PTPN2: variants seen among roughly 807,000 people sequenced by gnomAD.
PTPN2 encodes tyrosine-protein phosphatase non-receptor type 2.
In PTPN2, 19 loss-of-function variants were observed where a neutral mutation model predicts 57.3. The observed-to-expected ratio is 0.33, with a 90% CI of 0.23 to 0.49. The LOEUF is 0.49. PTPN2 is among the 20% of genes least tolerant of loss of function. The probability of loss-of-function intolerance (pLI) is 0.99; values close to 1 mark genes in which losing one functional copy is unlikely to be tolerated. For missense variants in PTPN2, 358 were observed against 501.1 expected (o/e 0.71, Z 2.73); for synonymous variants, 153 against 164.9 (o/e 0.93, Z 0.55).
chr18:12,842,055 T>C (rs2043063311), intron 2 of PTPN2, among the ~76,000 whole-genome samples: 2 of 152,246 alleles, frequency 1.3e-5, no homozygotes, highest in South Asian at 4.1e-4. Context: ...TACAGGCATG[T>C]GCCACCACGC....
chr18:12,837,560 C>G (rs766980241), intron 2 of PTPN2, among the ~76,000 whole-genome samples: 4 of 152,052 alleles, frequency 2.6e-5, no homozygotes, highest in Non-Finnish European at 5.9e-5. Context: ...CAAAATGTGA[C>G]CTTATACATT....
chr18:12,813,448 C>A (rs956064203), intron 7 of PTPN2, among the ~76,000 whole-genome samples: 2 of 152,140 alleles, frequency 1.3e-5, no homozygotes, highest in Non-Finnish European at 2.9e-5. Flanking sequence ...TGGAAAAAAT[C>A]TTTTTAAATA....
chr18:12,878,232 T>C lies in PTPN2; in HGVS notation c.69+5841A>G, dbSNP rs902690350. Among the ~76,000 whole-genome samples, 3 of 147,602 alleles carry C rather than the reference T, an allele frequency of 2.0e-5. No homozygotes were observed. In the Admixed American group the frequency reaches 2.0e-4, roughly 10 times the overall value. ...CGTGGGGGACTGAGGCAGGAGGATG[T>C]CTAAAGCCCAAGAGGTCGAGACTGC... On this transcript the variant is annotated intron_variant, in intron 1 of 8. Coordinates refer to ENST00000309660, the MANE Select transcript of PTPN2 (RefSeq NM_002828.4).
chr18:12,829,818 G>C (rs1019361723), intron 4 of PTPN2, among the ~76,000 whole-genome samples: 1 of 152,028 alleles, frequency 6.6e-6, no homozygotes, highest in African/African-American at 2.4e-5. Flanking sequence ...GCTGAACACT[G>C]ACCAATAATG....
Position 12,808,673 on chromosome 18 carries a change from C to A in PTPN2, c.858+5530G>T, listed in dbSNP as rs933756561. 2.0e-5 allele frequency among the ~76,000 whole-genome samples: 3 copies of A among 151,864 alleles called. No homozygotes were observed. The East Asian group carries it at 5.8e-4, about 29-fold the overall frequency. The stretch of plus-strand genomic sequence containing the variant: ...GCACACGCCTATAGTCCCAGCTACT[C>A]GGGAGGCTGAGGTAGGAGAATCACT... On this transcript the variant is annotated intron_variant, in intron 7 of 8. Transcript: ENST00000309660.
At chr18:12,790,933 G>A (rs956319000), downstream of PTPN2, among the ~76,000 whole-genome samples, 4 of 151,962 alleles carry the variant, frequency 2.6e-5, no homozygotes, top group South Asian at 4.2e-4. Context: ...AACATAAAAG[G>A]ACCAAAAGAC....
chr18:12,875,114 C>T (rs1281107330), intron 1 of PTPN2, among the ~76,000 whole-genome samples: 1 of 152,040 alleles, frequency 6.6e-6, no homozygotes, highest in Non-Finnish European at 1.5e-5. Flanking sequence ...AGGCAGCATG[C>T]TCGTTAACAG....
chr18:12,857,966 A>G (rs2043651395), intron 2 of PTPN2, among the ~76,000 whole-genome samples: 1 of 152,244 alleles, frequency 6.6e-6, no homozygotes, highest in African/African-American at 2.4e-5. Flanking sequence ...CCCTTCTTGG[A>G]AATGTATTTG....
At chr18:12,817,076 CAG>C in intron 6 of PTPN2, 78 bp downstream of exon 6, 5 of 1,309,970 alleles carry the variant, frequency 3.8e-6, no homozygotes, top group Non-Finnish European at 5.4e-6. Flanking sequence ...GATACAGCAT[CAG>C]AGTTTATTCA....
chr18:12,857,060 C>CAG (rs71370909), intron 2 of PTPN2, among the ~76,000 whole-genome samples: 16 of 101,018 alleles, frequency 1.6e-4, no homozygotes, highest in Non-Finnish European at 2.2e-4. Context: ...GACACCATCT[C>CAG]AAAAAAAAAA....
At position 12,786,147 on chromosome 18, in the gene PTPN2, C is replaced by T. The variant is rs1307681573; in HGVS notation, c.1143-303G>A. ...CATCTTATTTTACTCAAGAAGTGAC[C>T]TCTGTGTGATACCGACAGACAGACA... On this transcript the variant is annotated intron_variant, in intron 9 of 9. Coordinates refer to the PTPN2 transcript ENST00000327283. 1.4e-4 allele frequency: 55 copies of T among 405,822 alleles called. No homozygotes were observed. In the East Asian group the frequency reaches 2.7e-3, roughly 20 times the overall value. The allele number at this position is 405,822 out of a possible 1,614,324, so 25.1% of individuals were successfully genotyped here.
At chr18:12,855,306 A>C (rs2043548026) in intron 2 of PTPN2, among the ~76,000 whole-genome samples, 1 of 152,122 alleles carries the variant, frequency 6.6e-6, no homozygotes, top group Admixed American at 6.5e-5. Context: ...GTAGGATATA[A>C]GGGTTGAGAC....
intron 1 of PTPN2, among the ~76,000 whole-genome samples, chr18:12,870,564 A>G (rs1268570047): frequency 8.0e-6 from 1 of 125,500 alleles, no homozygotes; most frequent in Non-Finnish European, 1.6e-5. Flanking sequence ...GCTGGAGTGC[A>G]GTGGCGCGAT....
intron 7 of PTPN2, among the ~76,000 whole-genome samples, chr18:12,808,985 T>C (rs1245489444): frequency 2.0e-5 from 3 of 152,166 alleles, no homozygotes; most frequent in African/African-American, 7.2e-5. Flanking sequence ...CTTGCCACTG[T>C]TCAGTCTAGG....
At chr18:12,791,916 A>G (rs925210420), downstream of PTPN2, among the ~76,000 whole-genome samples, 1 of 152,232 alleles carries the variant, frequency 6.6e-6, no homozygotes. Flanking sequence ...TCAACTGGAA[A>G]TGTCATAAGG....
chr18:12,814,384 T>C, intron 6 of PTPN2, 29 bp from the exon 7 acceptor site: 1 of 1,556,650 alleles, frequency 6.4e-7, no homozygotes, highest in Non-Finnish European at 8.7e-7. Flanking sequence ...ATGAGACAAG[T>C]CTTGTTATTG....
chr18:12,808,689 G>C lies in PTPN2; in HGVS notation c.858+5514C>G, dbSNP rs530147000. Among the ~76,000 whole-genome samples the C allele has an allele frequency of 7.2e-5, 11 of 152,308 alleles. No homozygotes were observed. The South Asian group carries it at 1.7e-3, about 23-fold the overall frequency. On this transcript the variant is annotated intron_variant, in intron 7 of 8. Coordinates refer to ENST00000309660, the MANE Select transcript of PTPN2 (RefSeq NM_002828.4). ...CCAGCTACTCGGGAGGCTGAGGTAG[G>C]AGAATCACTTGACCCCAGGAGGCGG...
rs1354719648 is a variant in PTPN2, at chr18:12,816,229, G to A, written c.705+927C>T. On this transcript the variant is annotated intron_variant, in intron 6 of 8. Coordinates refer to ENST00000309660, the MANE Select transcript of PTPN2 (RefSeq NM_002828.4). ...GTGGGAGGATCACTTGAGTCCAGGA[G>A]GTTGAGGCTGCAGTGAGCAGTGATT... 2.0e-5 allele frequency among the ~76,000 whole-genome samples: 3 copies of A among 152,172 alleles called. No homozygotes were observed. The South Asian group carries it at 6.2e-4, about 31-fold the overall frequency.
chr18:12,854,845 G>A (rs568301506), intron 2 of PTPN2, among the ~76,000 whole-genome samples: 5 of 152,166 alleles, frequency 3.3e-5, no homozygotes, highest in East Asian at 1.9e-4. Context: ...GAAAAATTAC[G>A]GGGTTAGGAA....
Sources: allele counts gnomAD v4.1 joint callset (sites outside exome capture counted in the v4.1 genomes callset), GRCh38; gene constraint gnomAD v4.1.1; transcripts MANE v1.5; gene names NCBI Gene and HGNC (gene_info 2026-07-23, HGNC 2026-07-21).